KIAA1549L: variants seen among roughly 807,000 people sequenced by gnomAD.
The protein encoded by KIAA1549L is UPF0606 protein KIAA1549L.
Under a neutral mutation model 160.7 loss-of-function variants are expected in KIAA1549L, and 88 were observed. That is an observed-to-expected ratio of 0.55 (90% confidence interval 0.46 to 0.65). KIAA1549L has a LOEUF of 0.65. Ranked by LOEUF, KIAA1549L falls within the 30% of genes least tolerant of loss-of-function variation. The pLI is 0.00. For synonymous variants in KIAA1549L, 950 were observed against 976.7 expected (o/e 0.97, Z 0.51); for missense variants, 2,258 against 2,437.5 (o/e 0.93, Z 1.55).
intron 1 of KIAA1549L, among the ~76,000 whole-genome samples, chr11:33,495,694 A>G (rs1852800718): frequency 6.6e-6 from 1 of 152,110 alleles, no homozygotes; most frequent in African/African-American, 2.4e-5. Flanking sequence ...TCCCTGAGGA[A>G]TCGCCACACC....
intron 12 of KIAA1549L, among the ~76,000 whole-genome samples, chr11:33,595,664 A>G (rs1191753362): frequency 6.6e-6 from 1 of 152,202 alleles, no homozygotes; most frequent in African/African-American, 2.4e-5. Flanking sequence ...AAGATTTTCA[A>G]AACATCAAAG....
At chr11:33,534,968 T>C (rs1264656179) in intron 1 of KIAA1549L, among the ~76,000 whole-genome samples, 1 of 152,192 alleles carries the variant, frequency 6.6e-6, no homozygotes, top group Admixed American at 6.5e-5. Context: ...CAACATACAT[T>C]TATTATCTCA....
chr11:33,601,631 T>A (rs1271619207), intron 13 of KIAA1549L, among the ~76,000 whole-genome samples: 1 of 152,256 alleles, frequency 6.6e-6, no homozygotes, highest in Non-Finnish European at 1.5e-5. Flanking sequence ...AATGCTGTTG[T>A]CTTATGGCTT....
At chr11:33,655,291 C>T (rs761973182) in intron 17 of KIAA1549L, among the ~76,000 whole-genome samples, 1 of 152,168 alleles carries the variant, frequency 6.6e-6, no homozygotes, top group Non-Finnish European at 1.5e-5. Context: ...CTGATCTTCT[C>T]AGCAGCCCTC....
At chr11:33,659,403 T>G (rs781680592) in intron 19 of KIAA1549L, among the ~76,000 whole-genome samples, 3 of 152,238 alleles carry the variant, frequency 2.0e-5, no homozygotes, top group Non-Finnish European at 2.9e-5. Flanking sequence ...TTCTCCAGGT[T>G]GCTATACACA....
At chr11:33,618,491 A>G (rs1850877796) in intron 15 of KIAA1549L, 42 bp from the exon 16 acceptor site, 4 of 1,560,950 alleles carry the variant, frequency 2.6e-6, no homozygotes, top group Non-Finnish European at 3.5e-6. Context: ...TCCATCTGTC[A>G]GGGCATTTGC....
intron 15 of KIAA1549L, among the ~76,000 whole-genome samples, chr11:33,618,201 G>A (rs899985207): frequency 2.6e-5 from 4 of 152,224 alleles, no homozygotes; most frequent in Non-Finnish European, 5.9e-5. Context: ...TCCCATCAGC[G>A]TTAGCTGTCC....
chr11:33,389,803 A>C (rs1350038831), intron 1 of KIAA1549L, among the ~76,000 whole-genome samples: 2 of 152,222 alleles, frequency 1.3e-5, no homozygotes, highest in Non-Finnish European at 2.9e-5. Context: ...TCCTATTTGA[A>C]TCTCACACTA....
chr11:33,494,890 C>T (rs996674009), intron 1 of KIAA1549L, among the ~76,000 whole-genome samples: 1 of 152,078 alleles, frequency 6.6e-6, no homozygotes, highest in East Asian at 1.9e-4. Context: ...TATTTACATT[C>T]GTGGTCACAT....
chr11:33,380,480 G>A lies in KIAA1549L; in HGVS notation c.238+3591G>A, dbSNP rs564033895. The stretch of plus-strand genomic sequence containing the variant: ...CGTGATCAATTTTAGCATCAGTGAC[G>A]TATGGTGATAAGAAGAATGTATATT... On this transcript the variant is annotated intron_variant, in intron 1 of 20. Coordinates refer to ENST00000658780, the MANE Select transcript of KIAA1549L (RefSeq NM_012194.3). Among the ~76,000 whole-genome samples the A allele has an allele frequency of 4.6e-5, 7 of 152,306 alleles. No individual in the cohort carries two copies. In the East Asian group the frequency reaches 9.7e-4, roughly 21 times the overall value.
intron 11 of KIAA1549L, among the ~76,000 whole-genome samples, chr11:33,584,258 A>T (rs1855740174): frequency 6.6e-6 from 1 of 152,216 alleles, no homozygotes; most frequent in African/African-American, 2.4e-5. Context: ...CAACAGCCCG[A>T]ACTGACTTAG....
chr11:33,650,686 G>A (rs1028281599), intron 17 of KIAA1549L, among the ~76,000 whole-genome samples: 3 of 152,070 alleles, frequency 2.0e-5, no homozygotes, highest in African/African-American at 7.2e-5. Context: ...ATGCTTGTGT[G>A]TGTTCAGGTG....
Position 33,592,217 on chromosome 11 carries a change from T to C in KIAA1549L, c.4751+796T>C, listed in dbSNP as rs1006127546. Among the ~76,000 whole-genome samples, 5 of 152,246 alleles carry C rather than the reference T, an allele frequency of 3.3e-5. 1 individual carries two copies. The highest frequency in any genetic ancestry group is 1.3e-4 in the Admixed American group (2 of 15,290). ...GAAACCAGAAGATAAATTAAAATTT[T>C]GGAAAGTCTTGACTGCCTGGCAAGG... On this transcript the variant is annotated intron_variant, in intron 12 of 20. Transcript: ENST00000658780.
chr11:33,641,633 T>TACAC (rs1480101373), intron 16 of KIAA1549L, among the ~76,000 whole-genome samples: 1 of 99,410 alleles, frequency 1.0e-5, no homozygotes, highest in South Asian at 3.8e-4. Flanking sequence ...TATATATATA[T>TACAC]ACACAGTGGG....
chr11:33,566,538 C>A (rs1855054583), intron 8 of KIAA1549L, among the ~76,000 whole-genome samples: 1 of 152,218 alleles, frequency 6.6e-6, no homozygotes, highest in Non-Finnish European at 1.5e-5. Flanking sequence ...GGGAGTGTCT[C>A]ACAAGGGCCC....
rs60029190 is a variant in KIAA1549L at position 33,520,684 on chromosome 11, A to AACACACACACACACAC, written c.239-21077_239-21062dup. 1.4e-3 allele frequency among the ~76,000 whole-genome samples: 117 copies of AACACACACACACACAC among 84,798 alleles called. 1 individual carries two copies. Among genetic ancestry groups the AACACACACACACACAC allele is most frequent in the Admixed American group, 6.1e-3 (47 of 7,650 alleles). The allele number at this position is 84,798 out of a possible 152,430, so 55.6% of individuals were successfully genotyped here. A position where few individuals can be genotyped will look rare whatever the true frequency, so the allele number is the denominator to read the frequency against. On this transcript the variant is annotated intron_variant, in intron 1 of 20. Coordinates refer to ENST00000658780, the MANE Select transcript of KIAA1549L (RefSeq NM_012194.3). ...TGGTGGACATACACCCCCCACCCCCAACACACACACACACACACACACACA... is the reference window on the plus strand; with the variant it reads ...TGGTGGACATACACCCCCCACCCCCAACACACACACACACACACACACACACACACACACACACACA...
intron 13 of KIAA1549L, among the ~76,000 whole-genome samples, chr11:33,603,039 G>A (rs185155661): frequency 6.6e-6 from 1 of 152,104 alleles, no homozygotes; most frequent in African/African-American, 2.4e-5. Context: ...AATGCTAAGT[G>A]CCATCTCTTC....
chr11:33,658,039 A>C (rs1852127917), intron 18 of KIAA1549L, among the ~76,000 whole-genome samples: 1 of 152,196 alleles, frequency 6.6e-6, no homozygotes. Context: ...CTTGTGAAGG[A>C]AAATGGTCTG....
intron 16 of KIAA1549L, among the ~76,000 whole-genome samples, chr11:33,638,469 CTATGAGTATTT>C (rs1851504726): frequency 6.7e-6 from 1 of 149,892 alleles, no homozygotes; most frequent in African/African-American, 2.4e-5. Flanking sequence ...AAATACTCAT[CTATGAGTATTT>C]TATTCTCTTT....
Sources: gnomAD v4.1 joint callset for allele counts (sites outside exome capture counted in the v4.1 genomes callset) on GRCh38, gnomAD v4.1.1 for gene constraint, MANE v1.5 for transcripts, NCBI Gene and HGNC (gene_info 2026-07-23, HGNC 2026-07-21) for gene names.